The following SNTG1 variants were observed in gnomAD, a reference collection of about 807,000 sequenced individuals.
SNTG1 encodes syntrophin gamma 1.
SNTG1 carries 39 observed loss-of-function variants against 74.7 expected under a neutral mutation model. The observed-to-expected ratio is 0.52, with a 90% confidence interval of 0.40 to 0.68. The LOEUF is 0.68. SNTG1 is among the 30% of genes least tolerant of loss of function. The pLI is 0.00. For synonymous variants in SNTG1, 254 were observed against 217.1 expected (o/e 1.17, Z -1.49); for missense variants, 685 against 609.5 (o/e 1.12, Z -1.30).
intron 1 of SNTG1, among the ~76,000 whole-genome samples, chr8:50,158,517 T>G (rs575651353): frequency 1.2e-4 from 18 of 152,290 alleles, no homozygotes; most frequent in African/African-American, 3.4e-4. Flanking sequence ...TAGTATTAGC[T>G]TCAATTTAAT....
intron 1 of SNTG1, among the ~76,000 whole-genome samples, chr8:50,143,967 A>C (rs1340710128): frequency 6.6e-6 from 1 of 152,204 alleles, no homozygotes; most frequent in Non-Finnish European, 1.5e-5. Context: ...ACATGTCACC[A>C]GAAGCCTTCC....
chr8:50,215,388 A>G (rs1000192880), intron 2 of SNTG1, among the ~76,000 whole-genome samples: 4 of 147,768 alleles, frequency 2.7e-5, no homozygotes, highest in East Asian at 2.0e-4. Context: ...AAATATATAT[A>G]TGTGTATATA....
intron 2 of SNTG1, among the ~76,000 whole-genome samples, chr8:50,304,510 C>T (rs191010431): frequency 1.3e-3 from 198 of 151,870 alleles, no homozygotes; most frequent in Non-Finnish European, 1.5e-4. Flanking sequence ...TAGACTGACA[C>T]ATTAAAACAA....
chr8:50,653,254 G>A (rs981087800), intron 13 of SNTG1, among the ~76,000 whole-genome samples: 18 of 152,054 alleles, frequency 1.2e-4, no homozygotes, highest in Admixed American at 7.9e-4. Flanking sequence ...GACCAGCCTG[G>A]GCAACATAGC....
chr8:50,219,442 C>T (rs1013321505), intron 2 of SNTG1, among the ~76,000 whole-genome samples: 2 of 152,138 alleles, frequency 1.3e-5, no homozygotes, highest in African/African-American at 2.4e-5. Context: ...TGTCTGTTCT[C>T]ATATCGCTAC....
chr8:49,982,374 T>A (rs776117760), intron 1 of SNTG1, among the ~76,000 whole-genome samples: 6 of 152,110 alleles, frequency 3.9e-5, no homozygotes, highest in African/African-American at 7.2e-5. Flanking sequence ...GCCCATCTGC[T>A]CCTTGGTAGA....
rs2085875085 is a variant in SNTG1, at chr8:50,236,074, T to A, written c.-28+63439T>A. Among the ~76,000 whole-genome samples, 3 of 152,220 alleles carry A rather than the reference T, an allele frequency of 2.0e-5. No individual in the cohort carries two copies. The South Asian group carries it at 6.2e-4, about 32-fold the overall frequency. ...CAGTGTGAGAGATTTTTGAATGGCA[T>A]TGGGAGTATGGAGGAGAGGTTGTGC... On this transcript the variant is annotated intron_variant, in intron 2 of 18. Coordinates refer to ENST00000642720, the MANE Select transcript of SNTG1 (RefSeq NM_018967.5).
At chr8:50,114,891 G>A (rs575159347) in intron 1 of SNTG1, among the ~76,000 whole-genome samples, 1 of 151,982 alleles carries the variant, frequency 6.6e-6, no homozygotes, top group South Asian at 2.1e-4. Context: ...ATATGAACAA[G>A]TTCTGGGGGA....
At chr8:49,921,220 G>C (rs1806513103) in intron 1 of SNTG1, among the ~76,000 whole-genome samples, 1 of 151,970 alleles carries the variant, frequency 6.6e-6, no homozygotes. Context: ...AAAAAAATAA[G>C]AGAAAAGAAG....
rs572555693 is a variant in SNTG1, at chr8:50,647,967, T to G, written c.850-8942T>G. 1.2e-4 allele frequency among the ~76,000 whole-genome samples: 18 copies of G among 152,310 alleles called. No individual in the cohort carries two copies. In the East Asian group the frequency reaches 3.1e-3, roughly 26 times the overall value. ...TTCTGTGATACTCATAGGAAGAATG[T>G]ACTGAAACTGCTTTATGTCTCTTCA... On this transcript the variant is annotated intron_variant, in intron 13 of 18. Transcript: ENST00000642720.
intron 9 of SNTG1, among the ~76,000 whole-genome samples, chr8:50,516,689 A>T (rs1276110415): frequency 6.6e-6 from 1 of 152,194 alleles, no homozygotes; most frequent in Admixed American, 6.5e-5. Flanking sequence ...AGAAGAAAGG[A>T]TATCAGAGAT....
chr8:50,703,116 A>AT (rs947845488), intron 15 of SNTG1, among the ~76,000 whole-genome samples: 1 of 152,124 alleles, frequency 6.6e-6, no homozygotes, highest in South Asian at 2.1e-4. Flanking sequence ...TATAAGAAGT[A>AT]TTTTTTTCTG....
intron 2 of SNTG1, among the ~76,000 whole-genome samples, chr8:50,312,913 C>T (rs1327947322): frequency 6.7e-6 from 1 of 150,020 alleles, no homozygotes; most frequent in Non-Finnish European, 1.5e-5. Context: ...TAAAGTTTAA[C>T]AATCATGTGC....
At chr8:50,712,611 C>A (rs893085364) in intron 17 of SNTG1, among the ~76,000 whole-genome samples, 18 of 151,886 alleles carry the variant, frequency 1.2e-4, no homozygotes, top group African/African-American at 3.9e-4. Context: ...TAGGTTTTAA[C>A]CCCCACCTGC....
chr8:50,363,050 A>C (rs1313108209), intron 2 of SNTG1, among the ~76,000 whole-genome samples: 3 of 152,144 alleles, frequency 2.0e-5, no homozygotes, highest in Non-Finnish European at 4.4e-5. Context: ...AAAAAAAGAA[A>C]GAAATTCTTA....
At chr8:50,544,249 T>C (rs1259478664) in intron 11 of SNTG1, among the ~76,000 whole-genome samples, 2 of 152,098 alleles carry the variant, frequency 1.3e-5, no homozygotes, top group African/African-American at 4.8e-5. Context: ...TTTAACACAA[T>C]TTATATCAAT....
At chr8:50,125,841 C>A (rs991539885) in intron 1 of SNTG1, among the ~76,000 whole-genome samples, 9 of 152,086 alleles carry the variant, frequency 5.9e-5, no homozygotes, top group Admixed American at 5.3e-4. Flanking sequence ...ATGCTATGTG[C>A]CCATCATACA....
intron 2 of SNTG1, among the ~76,000 whole-genome samples, chr8:50,290,846 G>C (rs997317827): frequency 6.6e-6 from 1 of 151,974 alleles, no homozygotes; most frequent in African/African-American, 2.4e-5. Flanking sequence ...CTGCAGCCTT[G>C]ACTTCCCAGG....
intron 13 of SNTG1, among the ~76,000 whole-genome samples, chr8:50,646,395 C>T (rs2095109368): frequency 6.6e-6 from 1 of 152,112 alleles, no homozygotes; most frequent in African/African-American, 2.4e-5. Context: ...AATAGGTTCT[C>T]AAATGATGCT....
Sources: gnomAD v4.1 joint callset for allele counts (sites outside exome capture counted in the v4.1 genomes callset) on GRCh38, gnomAD v4.1.1 for gene constraint, MANE v1.5 for transcripts, NCBI Gene and HGNC (gene_info 2026-07-23, HGNC 2026-07-21) for gene names.